The following NAALADL2 variants were observed in gnomAD, a reference collection of about 807,000 sequenced individuals.
NAALADL2 encodes the protein N-acetylated alpha-linked acidic dipeptidase like 2.
Under a neutral mutation model 87.2 loss-of-function variants are expected in NAALADL2, and 76 were observed. That is an observed-to-expected ratio of 0.87 (90% CI 0.72 to 1.05). NAALADL2 has a LOEUF of 1.05. Ranked by LOEUF, NAALADL2 falls within the 50% of genes least tolerant of loss-of-function variation. The pLI, the probability that NAALADL2 is intolerant of heterozygous loss-of-function variation, is 0.00. For synonymous variants in NAALADL2, 354 were observed against 331.0 expected (o/e 1.07, Z -0.75); for missense variants, 1,089 against 945.8 (o/e 1.15, Z -1.99).
intron 10 of NAALADL2, among the ~76,000 whole-genome samples, chr3:175,605,420 A>G (rs896055715): frequency 2.0e-5 from 3 of 151,980 alleles, no homozygotes; most frequent in African/African-American, 7.3e-5. Flanking sequence ...AAGTAGGGAA[A>G]CTCTTATGGG....
chr3:174,560,086 T>G (rs1010351232), intron 2 of NAALADL2, among the ~76,000 whole-genome samples: 2 of 152,238 alleles, frequency 1.3e-5, no homozygotes, highest in African/African-American at 4.8e-5. Context: ...AGATAGATGT[T>G]TCCTGGTCTG....
At chr3:174,718,790 T>C (rs912232141) in intron 2 of NAALADL2, among the ~76,000 whole-genome samples, 4 of 152,208 alleles carry the variant, frequency 2.6e-5, no homozygotes, top group Non-Finnish European at 5.9e-5. Flanking sequence ...CTCCCTTTAG[T>C]CGGCACAAAT....
intron 1 of NAALADL2, among the ~76,000 whole-genome samples, chr3:174,950,914 C>T (rs1740250492): frequency 6.6e-6 from 1 of 151,968 alleles, no homozygotes; most frequent in Non-Finnish European, 1.5e-5. Context: ...CTTTATTCAT[C>T]TATGTATCTA....
chr3:174,525,645 G>C (rs986148199), intron 1 of NAALADL2, among the ~76,000 whole-genome samples: 1 of 147,858 alleles, frequency 6.8e-6, no homozygotes, highest in African/African-American at 2.7e-5. Flanking sequence ...ATTAATCATA[G>C]CTGTATTTTT....
At chr3:175,548,364 C>T (rs1036897021) in intron 9 of NAALADL2, among the ~76,000 whole-genome samples, 6 of 151,964 alleles carry the variant, frequency 3.9e-5, no homozygotes, top group African/African-American at 1.4e-4. Context: ...AACACATGGA[C>T]ACATAGAGGG....
intron 1 of NAALADL2, among the ~76,000 whole-genome samples, chr3:174,467,186 T>C (rs1476295215): frequency 6.6e-6 from 1 of 152,142 alleles, no homozygotes; most frequent in Admixed American, 6.5e-5. Context: ...GTTATGAAAA[T>C]TACTCTCATA....
At chr3:175,646,725 A>G (rs59116144) in intron 11 of NAALADL2, among the ~76,000 whole-genome samples, 1 of 152,068 alleles carries the variant, frequency 6.6e-6, no homozygotes, top group Admixed American at 6.6e-5. Context: ...CGGAGACACA[A>G]CTTACCTGGT....
intron 3 of NAALADL2, among the ~76,000 whole-genome samples, chr3:174,840,911 A>T (rs1723953686): frequency 6.6e-6 from 1 of 152,110 alleles, no homozygotes; most frequent in South Asian, 2.1e-4. Flanking sequence ...GTCAGCAGGA[A>T]AGTAGAAGTG....
At chr3:175,719,362 C>T (rs2150028516) in intron 11 of NAALADL2, among the ~76,000 whole-genome samples, 1 of 151,186 alleles carries the variant, frequency 6.6e-6, no homozygotes, top group South Asian at 2.1e-4. Context: ...TGCACATGTA[C>T]CCTAAAACTT....
At chr3:174,491,826 G>GT (rs1718212257) in intron 1 of NAALADL2, among the ~76,000 whole-genome samples, 1 of 152,146 alleles carries the variant, frequency 6.6e-6, no homozygotes, top group African/African-American at 2.4e-5. Flanking sequence ...ACATCCTGTA[G>GT]TTAAATGATA....
chr3:174,697,717 CTTA>C (rs1477427536), intron 2 of NAALADL2, among the ~76,000 whole-genome samples: 1 of 152,006 alleles, frequency 6.6e-6, no homozygotes, highest in Non-Finnish European at 1.5e-5. Flanking sequence ...TTATATTTTT[CTTA>C]TTAAAAATAA....
At chr3:174,815,830 G>GTTTTTTTTTTTT in intron 3 of NAALADL2, among the ~76,000 whole-genome samples, 1 of 115,196 alleles carries the variant, frequency 8.7e-6, no homozygotes, top group Non-Finnish European at 1.8e-5. Flanking sequence ...TTTGACTTTA[G>GTTTTTTTTTTTT]TTTTTTTTTT....
chr3:174,649,455 A>G (rs1396266513), intron 2 of NAALADL2, among the ~76,000 whole-genome samples: 2 of 152,116 alleles, frequency 1.3e-5, no homozygotes, highest in South Asian at 4.1e-4. Flanking sequence ...TGCATAACAT[A>G]TATTTAGGAT....
chr3:175,707,329 C>T (rs1739852073), intron 11 of NAALADL2, among the ~76,000 whole-genome samples: 1 of 152,026 alleles, frequency 6.6e-6, no homozygotes, highest in African/African-American at 2.4e-5. Flanking sequence ...TTCATATAAG[C>T]TTCAAGTCAT....
chr3:174,859,577 G>A, intron 1 of NAALADL2, 127 bp downstream of exon 1: 1 of 702,448 alleles, frequency 1.4e-6, no homozygotes, highest in Non-Finnish European at 2.5e-6. Context: ...AGGTGCCCTG[G>A]CCCTGTTTTT....
intron 9 of NAALADL2, among the ~76,000 whole-genome samples, chr3:175,562,820 G>A (rs956897254): frequency 4.6e-5 from 7 of 151,770 alleles, no homozygotes; most frequent in Admixed American, 3.9e-4. Context: ...CTTATATTGT[G>A]TAAGGAATAT....
intron 2 of NAALADL2, among the ~76,000 whole-genome samples, chr3:175,147,894 A>G (rs532581349): frequency 6.6e-6 from 1 of 151,636 alleles, no homozygotes; most frequent in East Asian, 1.9e-4. Context: ...ACATGGTGAA[A>G]CCTCGTCTCT....
chr3:175,636,788 T>G (rs138142782), intron 11 of NAALADL2, among the ~76,000 whole-genome samples: 2 of 151,926 alleles, frequency 1.3e-5, no homozygotes, highest in Admixed American at 1.3e-4. Context: ...TCTGTAAGCA[T>G]GTATATTAGC....
At chr3:175,368,260 G>GTA (rs1390372945) in intron 5 of NAALADL2, among the ~76,000 whole-genome samples, 1 of 152,118 alleles carries the variant, frequency 6.6e-6, no homozygotes, top group East Asian at 1.9e-4. Context: ...CGGGTTGCCA[G>GTA]TATTTTATTG....
Sources: allele counts gnomAD v4.1 joint callset (sites outside exome capture counted in the v4.1 genomes callset), GRCh38; gene constraint gnomAD v4.1.1; transcripts MANE v1.5; gene names NCBI Gene and HGNC (gene_info 2026-07-23, HGNC 2026-07-21).